DSG4: variants seen among roughly 807,000 people sequenced by gnomAD.
The protein encoded by DSG4 is desmoglein-4.
DSG4 carries 87 observed loss-of-function variants against 93.1 expected under a neutral mutation model. That is an observed-to-expected ratio of 0.93 (90% confidence interval 0.79 to 1.12). The LOEUF is 1.12. Among genes scored for constraint, DSG4 ranks in the 50% most tolerant of loss-of-function variants. The pLI, the probability that DSG4 is intolerant of heterozygous loss-of-function variation, is 0.00. For synonymous variants in DSG4, 432 were observed against 452.9 expected, an observed-to-expected ratio of 0.95 and a Z score of 0.59; for missense variants, 1,373 against 1,285.7, an observed-to-expected ratio of 1.07 and a Z score of -1.04.
At position 31,413,574 on chromosome 18, in the gene DSG4, C is replaced by T. The variant is rs1260448034; in HGVS notation, c.3102C>T (p.Asn1034=). 3 of 1,613,704 alleles carry T rather than the reference C, an allele frequency of 1.9e-6. No homozygotes were observed. The East Asian group carries it at 6.7e-5, about 36-fold the overall frequency. Residue 1034 remains asparagine, a synonymous_variant, in exon 16 of 16, where the codon AAC becomes AAT. Coordinates refer to ENST00000308128, the MANE Select transcript of DSG4 (RefSeq NM_177986.5). ...TSRHRVTRYS[N]IHYTQQ ...GACACAGAGTAACACGATACAGTAA[C>T]ATACATTACACCCAACAGTAAGTGC...
intron 2 of DSG4, among the ~76,000 whole-genome samples, chr18:31,386,388 T>C (rs1032380102): frequency 6.6e-6 from 1 of 152,030 alleles, no homozygotes; most frequent in East Asian, 1.9e-4. Context: ...TGAAGATAGA[T>C]TGAGAAAAGG....
chr18:31,395,270 C>T (rs1169179587), intron 8 of DSG4, among the ~76,000 whole-genome samples: 1 of 138,486 alleles, frequency 7.2e-6, no homozygotes, highest in African/African-American at 2.7e-5. Flanking sequence ...TACTTAATTG[C>T]TAAAAAAAAA....
At chr18:31,383,194 T>C (rs1448227591) in intron 1 of DSG4, among the ~76,000 whole-genome samples, 5 of 152,208 alleles carry the variant, frequency 3.3e-5, no homozygotes, top group Admixed American at 2.6e-4. Flanking sequence ...GTCATTCTAT[T>C]TGGATCAGAG....
At chr18:31,380,373 A>C (rs1172057906) in intron 1 of DSG4, among the ~76,000 whole-genome samples, 1 of 152,184 alleles carries the variant, frequency 6.6e-6, no homozygotes, top group Non-Finnish European at 1.5e-5. Flanking sequence ...TAGAGCAATG[A>C]AACCGTTGTT....
intron 5 of DSG4, among the ~76,000 whole-genome samples, chr18:31,389,291 G>A (rs2072223943): frequency 6.6e-6 from 1 of 152,152 alleles, no homozygotes; most frequent in South Asian, 2.1e-4. Context: ...GGCTCATGAA[G>A]AACTAAATCC....
At chr18:31,412,759 G>C in intron 15 of DSG4, 69 bp from the exon 16 acceptor site, 1 of 1,528,872 alleles carries the variant, frequency 6.5e-7, no homozygotes. Context: ...CTCTCTGAGG[G>C]ATTGCTGTTA....
At chr18:31,411,202 G>C (rs772890754) in intron 14 of DSG4, 29 bp from the exon 15 acceptor site, 1 of 1,614,166 alleles carries the variant, frequency 6.2e-7, no homozygotes, top group Admixed American at 1.7e-5. Context: ...CAACTCCAGC[G>C]CTGTTAAACC....
In DSG4 at chr18:31,380,354, A is replaced by T. The variant is rs76415008; in HGVS notation, c.48+3395A>T. On this transcript the variant is annotated intron_variant, in intron 1 of 15. Coordinates refer to ENST00000308128, the MANE Select transcript of DSG4 (RefSeq NM_177986.5). ...TCTAGTTCTTAAGTATCCAGGAAGG[A>T]GTTCCGTATAGAGCAATGAAACCGT... is the stretch of plus-strand genomic sequence containing the variant. 3.5e-3 allele frequency among the ~76,000 whole-genome samples: 537 copies of T among 152,254 alleles called. 18 individuals are homozygous for T. In the East Asian group the frequency reaches 0.056, roughly 16 times the overall value.
At chr18:31,389,382 C>A (rs2072224726) in intron 5 of DSG4, among the ~76,000 whole-genome samples, 1 of 152,112 alleles carries the variant, frequency 6.6e-6, no homozygotes, top group Admixed American at 6.6e-5. Context: ...TTGGCTGACC[C>A]ACACCAGGTA....
chr18:31,405,933 A>T, intron 11 of DSG4, 144 bp from the exon 12 acceptor site: 1 of 657,822 alleles, frequency 1.5e-6, no homozygotes. Flanking sequence ...TAAATGTTAA[A>T]AAAAAGTACA....
rs888753960 is a variant in DSG4 at position 31,413,104 on chromosome 18, A to G, written c.2632A>G (p.Asn878Asp). 6.2e-7 allele frequency: 1 copy of G among 1,614,152 alleles called. No homozygotes were observed. Among genetic ancestry groups the G allele is most frequent in the Admixed American group, 1.7e-5 (1 of 60,014 alleles). ...TTTGCTCGGACCTAATTACTTTGTT[A>G]ATGAATCTTCAGGATTGACTCCCTC... ...LPLLGPNYFV[N>D]ESSGLTPSEV... Residue 878 changes from asparagine (N) to aspartate (D), a missense_variant, in exon 16 of 16, where the codon AAT becomes GAT. Physicochemically the swap from Asn to Asp is conservative, Grantham distance 23. Coordinates refer to ENST00000308128, the MANE Select transcript of DSG4 (RefSeq NM_177986.5).
At chr18:31,383,823 C>A (rs763439533) in intron 1 of DSG4, among the ~76,000 whole-genome samples, 1 of 152,020 alleles carries the variant, frequency 6.6e-6, no homozygotes, top group Non-Finnish European at 1.5e-5. Context: ...AAAATATTGA[C>A]GTCAATATTG....
chr18:31,402,711 A>AC (rs1354503530), intron 10 of DSG4, among the ~76,000 whole-genome samples: 6 of 151,626 alleles, frequency 4.0e-5, no homozygotes, highest in Non-Finnish European at 7.4e-5. Flanking sequence ...AAGAAGCAAA[A>AC]AAAATTCCGT....
At chr18:31,410,358 A>T (rs55897336) in intron 14 of DSG4, among the ~76,000 whole-genome samples, 6,861 of 151,386 alleles carry the variant, frequency 0.045, 490 homozygotes, top group African/African-American at 0.16. Context: ...TAATACATAC[A>T]TATATTGTAT....
At position 31,386,658 on chromosome 18, in the gene DSG4, T is replaced by C. The variant is rs760837873; in HGVS notation, c.85-30T>C. The C allele has an allele frequency of 8.7e-6, 14 of 1,611,930 alleles. No homozygotes were observed. The Admixed American group carries it at 1.8e-4, about 21-fold the overall frequency. Reference sequence around the variant, plus strand: ...TTTCTAAGTAAAATTGTTCTCACACTGTAAGACACCTGAACCATTTTTGCT... The same window carrying C: ...TTTCTAAGTAAAATTGTTCTCACACCGTAAGACACCTGAACCATTTTTGCT... On this transcript the variant is annotated intron_variant, in intron 2 of 15. Coordinates refer to ENST00000308128, the MANE Select transcript of DSG4 (RefSeq NM_177986.5).
At chr18:31,388,330 C>G (rs972647567) in intron 3 of DSG4, 37 bp from the exon 4 acceptor site, 1 of 1,610,220 alleles carries the variant, frequency 6.2e-7, no homozygotes, top group East Asian at 2.2e-5. Flanking sequence ...ATTATCTGCT[C>G]TAAACTGGAT....
At chr18:31,404,804 T>A (rs982977460) in intron 11 of DSG4, among the ~76,000 whole-genome samples, 1 of 152,176 alleles carries the variant, frequency 6.6e-6, no homozygotes, top group Non-Finnish European at 1.5e-5. Context: ...TAAAGCTCAA[T>A]AGCCCATTCA....
At chr18:31,403,290 A>T (rs2072388430) in intron 10 of DSG4, 126 bp from the exon 11 acceptor site, 2 of 794,028 alleles carry the variant, frequency 2.5e-6, no homozygotes, top group Non-Finnish European at 4.3e-6. Flanking sequence ...AGCGGGCAGG[A>T]ACCTGTCAAG....
At chr18:31,384,939 T>G (rs1010392211) in intron 1 of DSG4, among the ~76,000 whole-genome samples, 197 bp from the exon 2 acceptor site, 2 of 152,208 alleles carry the variant, frequency 1.3e-5, no homozygotes, top group Non-Finnish European at 2.9e-5. Context: ...ACTTATGTGT[T>G]TGTCTTCTCT....
Sources: gnomAD v4.1 joint callset for allele counts (sites outside exome capture counted in the v4.1 genomes callset) on GRCh38, gnomAD v4.1.1 for gene constraint, MANE v1.5 for transcripts, NCBI Gene and HGNC (gene_info 2026-07-23, HGNC 2026-07-21) for gene names.